KANK4: variants seen among roughly 807,000 people sequenced by gnomAD.
The protein encoded by KANK4 is KN motif and ankyrin repeat domain-containing protein 4.
A neutral mutation model predicts 80.8 loss-of-function variants in KANK4; 50 were observed. That is an observed-to-expected ratio of 0.62 (90% CI 0.49 to 0.78). The LOEUF (loss-of-function observed/expected upper bound fraction) is 0.78. Ranked by LOEUF, KANK4 falls within the 30% of genes least tolerant of loss-of-function variation. The pLI is 0.00. For synonymous variants in KANK4, 465 were observed against 506.9 expected (o/e 0.92, Z 1.11); for missense variants, 1,196 against 1,240.1 (o/e 0.96, Z 0.53).
chr1:62,246,087 A>G (rs1671459618), intron 9 of KANK4, among the ~76,000 whole-genome samples: 1 of 152,170 alleles, frequency 6.6e-6, no homozygotes, highest in Admixed American at 6.5e-5. Flanking sequence ...AAGACGGTCA[A>G]TCTCACAAGA....
rs1449840476 is a variant in KANK4 at position 62,293,469 on chromosome 1, T to TA, written c.-70-11836dup. 3.3e-5 allele frequency among the ~76,000 whole-genome samples: 5 copies of TA among 152,224 alleles called. No individual in the cohort carries two copies. The East Asian group carries it at 9.6e-4, about 29-fold the overall frequency. ...TAGAAACTAAGGGTTTCTAAAAGAA[T>TA]AAAAAATGCATCTCAAATATGTGTA... On this transcript the variant is annotated intron_variant, in intron 1 of 9. Coordinates refer to ENST00000371153, the MANE Select transcript of KANK4 (RefSeq NM_181712.5).
chr1:62,242,392 G>T (rs1342417750), intron 9 of KANK4, among the ~76,000 whole-genome samples: 16 of 112,868 alleles, frequency 1.4e-4, no homozygotes. Context: ...AAAAAAAAAA[G>T]GAAAGAAAAA....
chr1:62,317,341 C>A (rs980782497), intron 1 of KANK4, among the ~76,000 whole-genome samples: 1 of 152,178 alleles, frequency 6.6e-6, no homozygotes, highest in Non-Finnish European at 1.5e-5. Flanking sequence ...ATGAACCGCT[C>A]GCTGCTCTTG....
intron 1 of KANK4, among the ~76,000 whole-genome samples, chr1:62,316,826 G>T (rs1191067033): frequency 2.0e-5 from 3 of 152,146 alleles, no homozygotes; most frequent in Non-Finnish European, 4.4e-5. Flanking sequence ...TACTTGGAGA[G>T]CCCTGTTTTT....
chr1:62,274,378 T>C lies in KANK4; in HGVS notation c.726A>G (p.Pro242=). The C allele has an allele frequency of 1.2e-6, 2 of 1,614,170 alleles. No homozygotes were observed. The highest frequency in any genetic ancestry group is 2.2e-5 in the South Asian group (2 of 91,084). The part of the protein sequence containing the change: ...AEPPEGVVKV[P]NHLPLPGPPF... ...GAGGGCCTGGGAGAGGGAGGTGATT[T>C]GGAACCTTCACCACACCCTCTGGAG... Residue 242 remains proline (P), a synonymous_variant, in exon 3 of 10, where the codon CCA becomes CCG. Transcript: ENST00000371153.
At chr1:62,285,300 G>A (rs376749485) in intron 1 of KANK4, among the ~76,000 whole-genome samples, 2 of 152,158 alleles carry the variant, frequency 1.3e-5, no homozygotes, top group East Asian at 1.9e-4. Flanking sequence ...GATAGTCCAC[G>A]TGCAGCTACC....
At chr1:62,261,702 C>T (rs1270666954) in intron 7 of KANK4, among the ~76,000 whole-genome samples, 1 of 152,124 alleles carries the variant, frequency 6.6e-6, no homozygotes, top group African/African-American at 2.4e-5. Context: ...CCTGGCACTC[C>T]AGGTCTTCCA....
intron 4 of KANK4, among the ~76,000 whole-genome samples, chr1:62,270,038 C>T (rs1349568394): frequency 6.6e-6 from 1 of 152,170 alleles, no homozygotes; most frequent in Non-Finnish European, 1.5e-5. Flanking sequence ...GTAACAAATG[C>T]TGAGGAATGT....
chr1:62,290,971 C>T (rs191970906), intron 1 of KANK4, among the ~76,000 whole-genome samples: 264 of 152,048 alleles, frequency 1.7e-3, no homozygotes, highest in African/African-American at 5.8e-3. Context: ...AGAATGGTCT[C>T]GATCTCTTGA....
intron 4 of KANK4, among the ~76,000 whole-genome samples, chr1:62,269,777 T>C (rs1419418578): frequency 6.6e-6 from 1 of 151,582 alleles, no homozygotes; most frequent in Non-Finnish European, 1.5e-5. Context: ...ATAAAAACAA[T>C]GAATAAAATT....
intron 2 of KANK4, among the ~76,000 whole-genome samples, chr1:62,278,652 C>T (rs1164825251): frequency 6.6e-6 from 1 of 151,976 alleles, no homozygotes; most frequent in Non-Finnish European, 1.5e-5. Context: ...GCCTCGGCCT[C>T]CCAAAGTGCT....
chr1:62,313,016 T>C (rs1413026536), intron 1 of KANK4, among the ~76,000 whole-genome samples: 1 of 152,182 alleles, frequency 6.6e-6, no homozygotes, highest in Non-Finnish European at 1.5e-5. Context: ...CTTTCTGAAG[T>C]TTCAGTTACC....
At chr1:62,271,193 C>G (rs1261990500) in intron 4 of KANK4, among the ~76,000 whole-genome samples, 1 of 152,154 alleles carries the variant, frequency 6.6e-6, no homozygotes, top group Admixed American at 6.5e-5. Context: ...ATGTCTTCCT[C>G]TAAGGGCCCG....
Position 62,266,745 on chromosome 1 carries a change from G to C in KANK4, c.2306C>G (p.Thr769Arg). 6.2e-7 allele frequency: 1 copy of C among 1,606,822 alleles called. No homozygotes were observed. The highest frequency in any genetic ancestry group is 1.1e-5 in the South Asian group (1 of 90,932). ...AAATTAGAGTACCAAGAGCTGGTCT[G>C]TGGTGGTCCCAGTTTCTGGCAGATG... ...SQHLPETGTT[T>R]DQLLRQSLNT... Residue 769 changes from threonine to arginine, a missense_variant, in exon 6 of 10, where the codon ACA becomes AGA. This residue lies in a region of KANK4 where 1,154 missense variants were observed against 1,179.6 expected (regional missense o/e 0.98). Transcript: ENST00000371153.
intron 3 of KANK4, chr1:62,272,483 T>G (rs1672186965): frequency 6.6e-6 from 1 of 151,922 alleles, no homozygotes; most frequent in Non-Finnish European, 1.5e-5. Flanking sequence ...AGGTCTGGAG[T>G]CCACGCAGCA....
chr1:62,287,940 A>G (rs929359397), intron 1 of KANK4, among the ~76,000 whole-genome samples: 1 of 152,240 alleles, frequency 6.6e-6, no homozygotes, highest in African/African-American at 2.4e-5. Context: ...GGGTATAGAA[A>G]AAATATACTG....
intron 8 of KANK4, among the ~76,000 whole-genome samples, chr1:62,251,603 A>G (rs535871202): frequency 4.8e-4 from 73 of 152,266 alleles, no homozygotes; most frequent in African/African-American, 1.7e-3. Context: ...AGGGCCCCAG[A>G]AGATGAATAG....
intron 9 of KANK4, among the ~76,000 whole-genome samples, chr1:62,241,851 T>A (rs1291205384): frequency 6.6e-6 from 1 of 152,116 alleles, no homozygotes; most frequent in African/African-American, 2.4e-5. Flanking sequence ...GTACTGACAG[T>A]GTTTACGGAG....
At chr1:62,276,143 T>A (rs1672308902) in intron 2 of KANK4, among the ~76,000 whole-genome samples, 1 of 152,140 alleles carries the variant, frequency 6.6e-6, no homozygotes, top group South Asian at 2.1e-4. Context: ...CCTTGCAGCA[T>A]CCACCTGTTG....
Sources: allele counts gnomAD v4.1 joint callset (sites outside exome capture counted in the v4.1 genomes callset), GRCh38; gene constraint gnomAD v4.1.1; regional missense constraint gnomAD v4.1.1; transcripts MANE v1.5; gene names NCBI Gene and HGNC (gene_info 2026-07-23, HGNC 2026-07-21).